MYO3A: variants seen among roughly 807,000 people sequenced by gnomAD.
The protein encoded by MYO3A is myosin IIIA.
MYO3A carries 180 observed loss-of-function variants against 192.7 expected under a neutral mutation model. The ratio of observed to expected loss-of-function variants is 0.93; its 90% confidence interval spans 0.83 to 1.06. The LOEUF (loss-of-function observed/expected upper bound fraction) is 1.06, where lower values mean the gene tolerates loss of function less well. Ranked by LOEUF, MYO3A falls within the 50% of genes least tolerant of loss-of-function variation. MYO3A has a pLI of 0.00. For synonymous variants in MYO3A, 628 were observed against 645.3 expected, an observed-to-expected ratio of 0.97 and a Z score of 0.41; for missense variants, 1,896 against 1,905.0, an observed-to-expected ratio of 1.00 and a Z score of 0.09.
intron 10 of MYO3A, among the ~76,000 whole-genome samples, chr10:26,043,095 C>G (rs1052110640): frequency 1.3e-5 from 2 of 151,840 alleles, no homozygotes; most frequent in African/African-American, 4.8e-5. Flanking sequence ...GAATAATTTC[C>G]TGGATTGCCA....
rs200479725 is a variant in MYO3A at position 26,073,664 on chromosome 10, A to G, written c.1359+3263A>G. On this transcript the variant is annotated intron_variant, in intron 14 of 34. Transcript: ENST00000642920. ...ATAATAATAATGATAATAAATAAAT[A>G]AATAAATAATTATTTTTAGATGAAG... is the stretch of plus-strand genomic sequence containing the variant. Among the ~76,000 whole-genome samples, 3 of 43,834 alleles carry G rather than the reference A, an allele frequency of 6.8e-5. No individual in the cohort carries two copies. The East Asian group carries it at 1.1e-3, about 16-fold the overall frequency. The allele number at this position is 43,834 out of a possible 152,430, so 28.8% of individuals were successfully genotyped here.
At chr10:26,043,149 GTCTCTCTC>G (rs59621862) in intron 10 of MYO3A, among the ~76,000 whole-genome samples, 22,290 of 143,332 alleles carry the variant, frequency 0.16, 1,944 homozygotes, top group South Asian at 0.21. Context: ...GCCAAACAGA[GTCTCTCTC>G]TCTCTCTCTC....
chr10:26,062,596 C>CT (rs1554816611), intron 10 of MYO3A, among the ~76,000 whole-genome samples: 3 of 148,712 alleles, frequency 2.0e-5, no homozygotes, highest in African/African-American at 7.4e-5. Flanking sequence ...TCATTAGATA[C>CT]TTTTTTTTAA....
chr10:26,210,424 C>A (rs927115840), intron 34 of MYO3A, among the ~76,000 whole-genome samples: 2 of 152,162 alleles, frequency 1.3e-5, no homozygotes, highest in Non-Finnish European at 2.9e-5. Context: ...TCTTTCACAC[C>A]CCACGTTTAA....
At chr10:26,157,917 G>GT (rs1841241842) in intron 26 of MYO3A, among the ~76,000 whole-genome samples, 1 of 152,124 alleles carries the variant, frequency 6.6e-6, no homozygotes, top group Admixed American at 6.5e-5. Flanking sequence ...GTGTAGGGGC[G>GT]TGGGGGGATG....
chr10:26,166,355 C>G (rs58074097), intron 27 of MYO3A, 177 bp downstream of exon 27: 2 of 649,938 alleles, frequency 3.1e-6, no homozygotes, highest in East Asian at 5.6e-5. Flanking sequence ...ACATTAAAGG[C>G]TTTTGCTCTT....
intron 21 of MYO3A, 148 bp from the exon 22 acceptor site, chr10:26,145,298 G>A (rs947411719): frequency 3.4e-5 from 22 of 638,738 alleles, no homozygotes; most frequent in Non-Finnish European, 6.0e-5. Context: ...ACTTTACCAT[G>A]TATAATTCTA....
At chr10:25,980,085 A>G (rs948540387) in intron 4 of MYO3A, among the ~76,000 whole-genome samples, 6 of 152,056 alleles carry the variant, frequency 3.9e-5, no homozygotes, top group African/African-American at 1.4e-4. Context: ...AAAATACAAA[A>G]AATTAGCCAG....
chr10:26,042,181 C>T (rs1578217), intron 10 of MYO3A, among the ~76,000 whole-genome samples: 110,343 of 152,004 alleles, frequency 0.73, 40,468 homozygotes, highest in African/African-American at 0.82. Flanking sequence ...AAAAATTCAG[C>T]TGCCAAATGT....
intron 4 of MYO3A, among the ~76,000 whole-genome samples, chr10:25,955,350 G>A (rs1837475696): frequency 6.6e-6 from 1 of 152,038 alleles, no homozygotes; most frequent in Non-Finnish European, 1.5e-5. Context: ...TCTGTGCCAG[G>A]TGCTAGGATA....
chr10:25,986,577 A>G (rs1448779342), intron 4 of MYO3A, among the ~76,000 whole-genome samples: 2 of 152,182 alleles, frequency 1.3e-5, no homozygotes, highest in Non-Finnish European at 2.9e-5. Context: ...TAAGTGGAGA[A>G]TCAAATCAAG....
In MYO3A at chr10:26,088,419, A is replaced by G; in HGVS notation, c.1562+14A>G. On this transcript the variant is annotated intron_variant, in intron 15 of 34. Transcript: ENST00000642920. ...CCACCAAGCTATGTAAGTTTATTTC[A>G]AATCTCTCCTATTTTGGAGGAAGCA... 3 of 1,605,852 alleles carry G rather than the reference A, an allele frequency of 1.9e-6. No individual in the cohort carries two copies. Among genetic ancestry groups the G allele is most frequent in the Non-Finnish European group, 2.6e-6 (3 of 1,172,540 alleles).
chr10:26,016,845 C>T lies in MYO3A; in HGVS notation c.534C>T (p.Thr178=), dbSNP rs138309167. The T allele has an allele frequency of 6.2e-7, 1 of 1,614,028 alleles. No homozygotes were observed. The highest frequency in any genetic ancestry group is 1.3e-5 in the African/African-American group (1 of 74,912). The change falls in exon 7 of 35, where the codon ACC becomes ACT. Residue 178 remains threonine (T), a synonymous_variant. Transcript: ENST00000642920. The stretch of plus-strand genomic sequence containing the variant: ...GTGTGTCTGCACAGCTCACCAGTAC[C>T]CGGCACCGTCGGAACACATCCGTAG... ...DFGVSAQLTS[T]RHRRNTSVGT...
intron 4 of MYO3A, among the ~76,000 whole-genome samples, chr10:25,963,351 A>G (rs77731216): frequency 0.011 from 1,651 of 152,298 alleles, 25 homozygotes; most frequent in African/African-American, 0.037. Flanking sequence ...TTCTGTTTTT[A>G]TACTTACATC....
chr10:25,989,840 C>T (rs1839900122), intron 4 of MYO3A, among the ~76,000 whole-genome samples: 1 of 151,990 alleles, frequency 6.6e-6, no homozygotes, highest in Non-Finnish European at 1.5e-5. Flanking sequence ...AGTTCCCAAG[C>T]AGGTGGGAAA....
intron 10 of MYO3A, among the ~76,000 whole-genome samples, chr10:26,031,400 G>T (rs77080902): frequency 0.012 from 1,865 of 152,216 alleles, 49 homozygotes; most frequent in African/African-American, 0.042. Context: ...CAAAATATTC[G>T]TAAACTGACT....
At chr10:26,000,585 G>A (rs189675064) in intron 6 of MYO3A, among the ~76,000 whole-genome samples, 1 of 152,018 alleles carries the variant, frequency 6.6e-6, no homozygotes, top group Admixed American at 6.5e-5. Flanking sequence ...CATATGGAGA[G>A]AAGTTTTCAG....
rs753362191 is a variant in MYO3A at position 26,202,985 on chromosome 10, G to T, written c.4608G>T (p.Leu1536Phe). The T allele has an allele frequency of 3.1e-6, 5 of 1,613,604 alleles. No homozygotes were observed. Among genetic ancestry groups the T allele is most frequent in the Non-Finnish European group, 3.4e-6 (4 of 1,179,714 alleles). ...RKDSQGKLLD[L>F]EDFYYKEFLP... The stretch of plus-strand genomic sequence containing the variant: ...ACAGTCAGGGAAAATTATTAGATTT[G>T]GAAGATTTCTATTATAAGGAATTTT... Residue 1536 changes from leucine (L) to phenylalanine (F), a missense_variant, in exon 34 of 35, where the codon TTG (leucine) becomes TTT (phenylalanine). Coordinates refer to ENST00000642920, the MANE Select transcript of MYO3A (RefSeq NM_017433.5).
At chr10:25,965,343 G>A (rs764987380) in intron 4 of MYO3A, among the ~76,000 whole-genome samples, 6 of 152,050 alleles carry the variant, frequency 3.9e-5, no homozygotes, top group Non-Finnish European at 8.8e-5. Context: ...TGGGAGCTAG[G>A]GCCTGGAATG....
Sources: gnomAD v4.1 joint callset for allele counts (sites outside exome capture counted in the v4.1 genomes callset) on GRCh38, gnomAD v4.1.1 for gene constraint, MANE v1.5 for transcripts, NCBI Gene and HGNC (gene_info 2026-07-23, HGNC 2026-07-21) for gene names.